The following TYR variants were observed in gnomAD, a reference collection of about 807,000 sequenced individuals.
TYR encodes the protein tyrosinase.
A neutral mutation model predicts 51.5 loss-of-function variants in TYR; 58 were observed. The ratio of observed to expected loss-of-function variants is 1.13; its 90% CI spans 0.91 to 1.40. The LOEUF (loss-of-function observed/expected upper bound fraction) is 1.40, where lower values mean the gene tolerates loss of function less well. Among genes scored for constraint, TYR ranks in the 40% most tolerant of loss-of-function variants. TYR has a pLI of 0.00. For missense variants in TYR, 732 were observed against 647.4 expected, an observed-to-expected ratio of 1.13 and a Z score of -1.42; for synonymous variants, 263 against 235.2, an observed-to-expected ratio of 1.12 and a Z score of -1.08.
intron 2 of TYR, among the ~76,000 whole-genome samples, chr11:89,211,136 G>A (rs571336526): frequency 1.3e-5 from 2 of 152,200 alleles, no homozygotes; most frequent in East Asian, 3.9e-4. Flanking sequence ...TGTAAATGGA[G>A]TAAATGCCCC....
chr11:89,215,163 A>G (rs1012713256), intron 2 of TYR, among the ~76,000 whole-genome samples: 6 of 152,316 alleles, frequency 3.9e-5, no homozygotes, highest in Admixed American at 6.5e-5. Context: ...GATGTGATAT[A>G]ATATCTATAT....
intron 3 of TYR, among the ~76,000 whole-genome samples, chr11:89,250,922 T>A (rs1335292534): frequency 6.6e-6 from 1 of 151,930 alleles, no homozygotes; most frequent in Non-Finnish European, 1.5e-5. Flanking sequence ...GTTGAAAATG[T>A]TAAATCAGAC....
At chr11:89,202,723 G>A (rs1315199743) in intron 2 of TYR, among the ~76,000 whole-genome samples, 1 of 151,348 alleles carries the variant, frequency 6.6e-6, no homozygotes, top group Admixed American at 6.6e-5. Context: ...GGCATACAGG[G>A]CAGCTCTGCT....
At chr11:89,223,980 G>A (rs1053633228) in intron 2 of TYR, among the ~76,000 whole-genome samples, 1 of 150,738 alleles carries the variant, frequency 6.6e-6, no homozygotes, top group Non-Finnish European at 1.5e-5. Context: ...ATAGTAGTGA[G>A]TAATGAAATA....
chr11:89,241,805 TATATA>T (rs1434963817), intron 3 of TYR, among the ~76,000 whole-genome samples: 16 of 148,098 alleles, frequency 1.1e-4, no homozygotes, highest in Non-Finnish European at 2.2e-4. Context: ...TTTTATATAC[TATATA>T]ATATAGTATA....
intron 2 of TYR, among the ~76,000 whole-genome samples, chr11:89,193,800 T>C (rs1045005607): frequency 2.0e-5 from 3 of 152,164 alleles, no homozygotes; most frequent in Admixed American, 6.6e-5. Context: ...ACAGAGATGT[T>C]GTGAAAATAA....
chr11:89,223,050 GT>G (rs1943932759), intron 2 of TYR, among the ~76,000 whole-genome samples: 1 of 152,114 alleles, frequency 6.6e-6, no homozygotes, highest in South Asian at 2.1e-4. Context: ...ATTTCCAAGG[GT>G]AAGTCAGTAC....
chr11:89,185,456 C>A (rs373185565), intron 1 of TYR, among the ~76,000 whole-genome samples: 1 of 152,288 alleles, frequency 6.6e-6, no homozygotes, highest in Non-Finnish European at 1.5e-5. Context: ...CAAATTCTTA[C>A]TGCACATCAA....
chr11:89,200,010 A>C (rs1943575708), intron 2 of TYR, among the ~76,000 whole-genome samples: 1 of 152,212 alleles, frequency 6.6e-6, no homozygotes, highest in African/African-American at 2.4e-5. Context: ...TGGGAAAAAT[A>C]TCACTACACA....
chr11:89,293,368 C>CAA (rs1327553513), intron 4 of TYR, among the ~76,000 whole-genome samples: 2 of 146,862 alleles, frequency 1.4e-5, no homozygotes, highest in African/African-American at 5.2e-5. Flanking sequence ...CACACACACA[C>CAA]ACAACCCAGA....
intron 1 of TYR, among the ~76,000 whole-genome samples, chr11:89,187,140 T>C (rs746085153): frequency 6.6e-6 from 1 of 152,162 alleles, no homozygotes; most frequent in Non-Finnish European, 1.5e-5. Flanking sequence ...CTATTCACTA[T>C]AGACTGAGAC....
intron 2 of TYR, chr11:89,192,109 G>T: frequency 5.7e-6 from 2 of 353,480 alleles, no homozygotes; most frequent in African/African-American, 2.2e-5. Flanking sequence ...TAAGTTTTCT[G>T]TTCTTCATCA....
chr11:89,194,689 A>ATCTATCATCTG (rs1359853768), intron 2 of TYR, among the ~76,000 whole-genome samples: 3 of 146,850 alleles, frequency 2.0e-5, no homozygotes, highest in East Asian at 3.9e-4. Context: ...TCTATCATCT[A>ATCTATCATCTG]TCTATATTAA....
intron 3 of TYR, among the ~76,000 whole-genome samples, chr11:89,278,446 TATGA>T (rs1024848990): frequency 6.6e-6 from 1 of 151,702 alleles, no homozygotes; most frequent in African/African-American, 2.4e-5. Flanking sequence ...TTTTTAAATA[TATGA>T]ATGAATAAAT....
chr11:89,228,652 C>A (rs1376175581), intron 3 of TYR, among the ~76,000 whole-genome samples: 1 of 152,170 alleles, frequency 6.6e-6, no homozygotes, highest in Non-Finnish European at 1.5e-5. Flanking sequence ...ATCTCTTCCA[C>A]TGGCCTGAAT....
At position 89,233,438 on chromosome 11, in the gene TYR, C is replaced by T. The variant is rs922781632; in HGVS notation, c.1184+5468C>T. Among the ~76,000 whole-genome samples, 3 of 138,912 alleles carry T rather than the reference C, an allele frequency of 2.2e-5. 1 individual carries two copies. The highest frequency in any genetic ancestry group is 8.6e-5 in the African/African-American group (3 of 34,810). The allele number at this position is 138,912 out of a possible 152,430, so 91.1% of individuals were successfully genotyped here. On this transcript the variant is annotated intron_variant, in intron 3 of 4. Transcript: ENST00000263321. ...CCTATTAACGTTAATATTTTGTTCT[C>T]CTTCCATGAATCAGAAATGTTCTTA...
At chr11:89,244,735 C>T (rs1944242073) in intron 3 of TYR, among the ~76,000 whole-genome samples, 1 of 152,170 alleles carries the variant, frequency 6.6e-6, no homozygotes. Context: ...AGAAAAAAAA[C>T]AAGCACACCT....
chr11:89,215,018 T>C (rs1219311294), intron 2 of TYR, among the ~76,000 whole-genome samples: 2 of 152,110 alleles, frequency 1.3e-5, no homozygotes, highest in Admixed American at 6.6e-5. Flanking sequence ...ATTGTAAAAA[T>C]ATATATGTAA....
chr11:89,227,556 A>G (rs1006740678), intron 2 of TYR, among the ~76,000 whole-genome samples: 1 of 152,184 alleles, frequency 6.6e-6, no homozygotes, highest in Non-Finnish European at 1.5e-5. Flanking sequence ...GGCAGAATGA[A>G]CAGGAGGGAA....
Sources: allele counts gnomAD v4.1 joint callset (sites outside exome capture counted in the v4.1 genomes callset), GRCh38; gene constraint gnomAD v4.1.1; transcripts MANE v1.5; gene names NCBI Gene and HGNC (gene_info 2026-07-23, HGNC 2026-07-21).